Variants in COL15A1 observed in about 807,000 individuals in gnomAD.
The protein encoded by COL15A1 is collagen alpha-1(XV) chain.
In COL15A1, 111 loss-of-function variants were observed where a neutral mutation model predicts 165.9. The ratio of observed to expected loss-of-function variants is 0.67; its 90% CI spans 0.57 to 0.78. COL15A1 has a LOEUF of 0.78. Among genes scored for constraint, COL15A1 ranks in the 30% least tolerant of loss-of-function variants. COL15A1 has a pLI of 0.00. For missense variants in COL15A1, 1,745 were observed against 1,789.7 expected (o/e 0.98, Z 0.45); for synonymous variants, 659 against 674.8 (o/e 0.98, Z 0.36).
intron 15 of COL15A1, among the ~76,000 whole-genome samples, chr9:99,025,257 G>A (rs1371316622): frequency 1.3e-5 from 2 of 152,190 alleles, no homozygotes; most frequent in African/African-American, 4.8e-5. Flanking sequence ...ACTTACGAAT[G>A]GTTCAGCTTA....
rs117322734 is a variant in COL15A1, at chr9:99,021,941, G to A, written c.1702-150G>A. 905 of 1,044,616 alleles carry A rather than the reference G, an allele frequency of 8.7e-4. 15 individuals are homozygous for A. The East Asian group carries it at 0.019, about 22-fold the overall frequency. 64.7% of individuals were successfully genotyped at this position (1,044,616 alleles called of 1,614,324 possible). The stretch of plus-strand genomic sequence containing the variant: ...CTTCTGAGCCCTGGGGTGGGACAAG[G>A]CATTCCCTTAAGCTGTCTCTGCAAA... On this transcript the variant is annotated intron_variant, in intron 12 of 41. Transcript: ENST00000375001.
chr9:98,957,389 T>C (rs1442229340), intron 2 of COL15A1, among the ~76,000 whole-genome samples: 1 of 152,230 alleles, frequency 6.6e-6, no homozygotes, highest in Non-Finnish European at 1.5e-5. Context: ...GTAAGACCTG[T>C]GTTGGACTTC....
chr9:99,018,025 CATCCT>C (rs933450902), intron 11 of COL15A1, among the ~76,000 whole-genome samples: 7 of 152,194 alleles, frequency 4.6e-5, no homozygotes, highest in African/African-American at 1.7e-4. Context: ...CAACCCCAAA[CATCCT>C]ATCATTTATT....
Position 99,020,554 on chromosome 9 carries a change from A to G in COL15A1, c.1701+112A>G, listed in dbSNP as rs2274962. ...GATCAAGGGGATCGCAGAAGCAGCA[A>G]GAGGGCTAAGCCCAAAAGAAATGGA... On this transcript the variant is annotated intron_variant, in intron 12 of 41. Coordinates refer to ENST00000375001, the MANE Select transcript of COL15A1 (RefSeq NM_001855.5). The G allele has an allele frequency of 1.1e-5, 8 of 746,304 alleles. No individual in the cohort carries two copies. In the African/African-American group the frequency reaches 1.4e-4, roughly 13 times the overall value. 46.2% of individuals were successfully genotyped at this position (746,304 alleles called of 1,614,324 possible).
intron 6 of COL15A1, 146 bp downstream of exon 6, chr9:98,997,227 C>A: frequency 9.8e-7 from 1 of 1,015,344 alleles, no homozygotes; most frequent in Non-Finnish European, 1.4e-6. Context: ...CCTCATTTTA[C>A]AGACAAGAGG....
At chr9:99,059,192 C>T (rs1295898214) in intron 35 of COL15A1, among the ~76,000 whole-genome samples, 2 of 152,118 alleles carry the variant, frequency 1.3e-5, no homozygotes, top group East Asian at 3.8e-4. Flanking sequence ...TAACCTTGAT[C>T]TGATTTTTAA....
chr9:99,058,712 A>G (rs2117945589), intron 35 of COL15A1, among the ~76,000 whole-genome samples: 1 of 152,328 alleles, frequency 6.6e-6, no homozygotes, highest in Admixed American at 6.5e-5. Context: ...AATTCATCTC[A>G]CGGATGAAGA....
intron 2 of COL15A1, among the ~76,000 whole-genome samples, chr9:98,964,893 G>A (rs533009933): frequency 6.6e-6 from 1 of 152,276 alleles, no homozygotes; most frequent in South Asian, 2.1e-4. Flanking sequence ...CAATGTAGGC[G>A]AGATTTCACG....
Position 99,042,123 on chromosome 9 carries a change from G to T in COL15A1, c.2574+16G>T, listed in dbSNP as rs1391061478. 6.3e-7 allele frequency: 1 copy of T among 1,591,290 alleles called. No individual in the cohort carries two copies. Among genetic ancestry groups the T allele is most frequent in the Admixed American group, 1.7e-5 (1 of 57,646 alleles). On this transcript the variant is annotated intron_variant, in intron 24 of 41. Coordinates refer to ENST00000375001, the MANE Select transcript of COL15A1 (RefSeq NM_001855.5). Reference sequence around the variant, plus strand: ...AGGAGAACAGGTAAGAGGGGCCCAGGTATCTGAGTGAGATTGGGCGCTGGA... The same window carrying T: ...AGGAGAACAGGTAAGAGGGGCCCAGTTATCTGAGTGAGATTGGGCGCTGGA...
rs1564004708 is a variant in COL15A1, at chr9:98,950,579, CCTTCCTTCCTT to C, written c.100+6331_100+6341del. Among the ~76,000 whole-genome samples, 93 of 121,116 alleles carry C rather than the reference CCTTCCTTCCTT, an allele frequency of 7.7e-4. 1 individual carries two copies. The highest frequency in any genetic ancestry group is 2.6e-3 in the African/African-American group (84 of 31,846). The allele number at this position is 121,116 out of a possible 152,430, so 79.5% of individuals were successfully genotyped here. ...TCCTTCCTTCCTTCCTTCCTTCCTT[CCTTCCTTCCTT>C]CCTCCCTCCCTCCCTCTCTCTCTTC... On this transcript the variant is annotated intron_variant, in intron 2 of 41. Coordinates refer to ENST00000375001, the MANE Select transcript of COL15A1 (RefSeq NM_001855.5).
intron 2 of COL15A1, among the ~76,000 whole-genome samples, chr9:98,947,290 C>A (rs922449031): frequency 6.6e-6 from 1 of 151,830 alleles, no homozygotes; most frequent in Non-Finnish European, 1.5e-5. Flanking sequence ...GTAAAAGAAG[C>A]CAGACATTAA....
chr9:98,983,514 AGCAGTTAATT>A (rs1414680454), intron 2 of COL15A1, among the ~76,000 whole-genome samples: 1 of 152,178 alleles, frequency 6.6e-6, no homozygotes, highest in African/African-American at 2.4e-5. Flanking sequence ...AAGGGATAAG[AGCAGTTAATT>A]GCCAGGGCTG....
intron 2 of COL15A1, among the ~76,000 whole-genome samples, chr9:98,960,926 G>A (rs1837854878): frequency 6.6e-6 from 1 of 152,198 alleles, no homozygotes; most frequent in African/African-American, 2.4e-5. Context: ...TGCTGAGGAT[G>A]GGAAGGGCCA....
chr9:99,053,584 G>T (rs1825663335), intron 31 of COL15A1, among the ~76,000 whole-genome samples: 1 of 152,246 alleles, frequency 6.6e-6, no homozygotes, highest in South Asian at 2.1e-4. Context: ...TGGTGCACTT[G>T]CTGTCTTCTC....
At chr9:98,944,098 G>A (rs1181172754) in intron 1 of COL15A1, 26 bp downstream of exon 1, 1 of 1,614,006 alleles carries the variant, frequency 6.2e-7, no homozygotes, top group African/African-American at 1.3e-5. Flanking sequence ...CTGCTTCCTC[G>A]CGTCCCGGGC....
Position 99,024,950 on chromosome 9 carries a change from C to G in COL15A1, c.1931C>G (p.Pro644Arg). Residue 644 changes from proline to arginine, a missense_variant, in exon 15 of 42, where the codon CCC becomes CGC. Physicochemically the swap from Pro to Arg is moderately radical, Grantham distance 103. Coordinates refer to ENST00000375001, the MANE Select transcript of COL15A1 (RefSeq NM_001855.5). ...CCAGGAACTGATGTTTTCATGGGAC[C>G]CCCTGGATCTCCTGGAGAGGATGGA... ...GKPGTDVFMG[P>R]PGSPGEDGPA... 6.2e-7 allele frequency: 1 copy of G among 1,613,938 alleles called. No individual in the cohort carries two copies. The highest frequency in any genetic ancestry group is 8.5e-7 in the Non-Finnish European group (1 of 1,179,862).
At position 99,019,463 on chromosome 9, in the gene COL15A1, C is replaced by T. The variant is rs138025963; in HGVS notation, c.1648-926C>T. Among the ~76,000 whole-genome samples, 593 of 152,152 alleles carry T rather than the reference C, an allele frequency of 3.9e-3. 5 individuals carry two copies. Among genetic ancestry groups the T allele is most frequent in the African/African-American group, 0.013 (551 of 41,538 alleles). ...CTCCTGACCTCAGATGATTCACCTGCCTCAGCCTCCCAAAGTGCTGGGATT... is the reference window on the plus strand; with the variant it reads ...CTCCTGACCTCAGATGATTCACCTGTCTCAGCCTCCCAAAGTGCTGGGATT... On this transcript the variant is annotated intron_variant, in intron 11 of 41. Transcript: ENST00000375001.
chr9:98,943,997 T>A lies in COL15A1; in HGVS notation c.-65T>A. ...GCCAGCGCTCAGCGACCCTTCGTCC[T>A]CCGCTAAGCTCCAACGCTCTGCTCG... On this transcript the variant is annotated 5_prime_UTR_variant, in exon 1 of 42. Coordinates refer to ENST00000375001, the MANE Select transcript of COL15A1 (RefSeq NM_001855.5). The A allele has an allele frequency of 1.2e-6, 2 of 1,601,608 alleles. No homozygotes were observed. Among genetic ancestry groups the A allele is most frequent in the East Asian group, 2.2e-5 (1 of 44,446 alleles).
Position 99,015,920 on chromosome 9 carries a change from C to T in COL15A1, c.1504-56C>T, listed in dbSNP as rs1034454330. On this transcript the variant is annotated intron_variant, in intron 10 of 41. Transcript: ENST00000375001. ...ACCACAGAAACGACTGTTACAACTC[C>T]CTGGCAGCCTCATGAGCGAGGTGAG... 2.6e-5 allele frequency: 42 copies of T among 1,588,596 alleles called. 1 individual carries two copies. The African/African-American group carries it at 5.6e-4, about 21-fold the overall frequency.
Sources: gnomAD v4.1 joint callset for allele counts (sites outside exome capture counted in the v4.1 genomes callset) on GRCh38, gnomAD v4.1.1 for gene constraint, MANE v1.5 for transcripts, NCBI Gene and HGNC (gene_info 2026-07-23, HGNC 2026-07-21) for gene names.